Variants in DIP2C observed in about 807,000 individuals in gnomAD.
DIP2C encodes the protein disco-interacting protein 2 homolog C.
Under a neutral mutation model 192.4 loss-of-function variants are expected in DIP2C, and 33 were observed. The observed-to-expected ratio is 0.17, with a 90% CI of 0.13 to 0.23. The LOEUF (loss-of-function observed/expected upper bound fraction) is 0.23. Ranked by LOEUF, DIP2C falls within the 10% of genes least tolerant of loss-of-function variation. DIP2C has a pLI of 1.00. For synonymous variants in DIP2C, 979 were observed against 864.1 expected (o/e 1.13, Z -2.33); for missense variants, 1,537 against 2,110.1 (o/e 0.73, Z 5.32).
chr10:505,407 G>C lies in DIP2C; in HGVS notation c.86-18877C>G, dbSNP rs1845527726. On this transcript the variant is annotated intron_variant, in intron 1 of 36. Transcript: ENST00000280886. ...TTCTACTGCCACAATTTGTGTGTTA[G>C]TGATCAAGCCAAGGTTCTCAACCTT... Among the ~76,000 whole-genome samples, 3 of 152,218 alleles carry C rather than the reference G, an allele frequency of 2.0e-5. No individual in the cohort carries two copies. In the South Asian group the frequency reaches 6.2e-4, roughly 31 times the overall value.
intron 1 of DIP2C, among the ~76,000 whole-genome samples, chr10:530,022 T>C (rs924588795): frequency 1.3e-5 from 2 of 152,240 alleles, no homozygotes; most frequent in Non-Finnish European, 1.5e-5. Context: ...ACCGGCTGTG[T>C]GGTCTCTAAG....
intron 1 of DIP2C, among the ~76,000 whole-genome samples, chr10:603,819 G>C (rs1039405564): frequency 3.9e-5 from 6 of 152,160 alleles, no homozygotes; most frequent in African/African-American, 1.4e-4. Flanking sequence ...AAGTCAAGGG[G>C]TCAGTAGGCT....
At chr10:315,374 T>A (rs1303933836) in intron 31 of DIP2C, among the ~76,000 whole-genome samples, 1 of 152,234 alleles carries the variant, frequency 6.6e-6, no homozygotes, top group Non-Finnish European at 1.5e-5. Context: ...TTTATTTTCA[T>A]CCTTGAGACA....
chr10:617,652 A>ACCCC (rs1446941858), intron 1 of DIP2C, among the ~76,000 whole-genome samples: 1 of 127,652 alleles, frequency 7.8e-6, no homozygotes, highest in African/African-American at 3.4e-5. Context: ...TCCTGTGGAT[A>ACCCC]CCACCCCCCC....
At chr10:396,770 C>A (rs1964013964) in intron 10 of DIP2C, among the ~76,000 whole-genome samples, 1 of 149,388 alleles carries the variant, frequency 6.7e-6, no homozygotes, top group African/African-American at 2.5e-5. Context: ...GAGAAAGCAC[C>A]TCACGGGAAG....
intron 17 of DIP2C, among the ~76,000 whole-genome samples, chr10:380,871 T>C (rs571706876): frequency 6.6e-6 from 1 of 152,276 alleles, no homozygotes; most frequent in East Asian, 1.9e-4. Context: ...TAAGACAGAA[T>C]ACACTTGAGT....
Position 414,739 on chromosome 10 carries a change from G to GTGTGTGTATATATATATATATATA in DIP2C, c.860-630_860-629insTATATATATATATATATACACACA. ...TGTGTGTGTGTGTGTGTGTGTGTGT[G>GTGTGTGTATATATATATATATATA]TACATATATATATATATAATGTGTA... is the stretch of plus-strand genomic sequence containing the variant. On this transcript the variant is annotated intron_variant, in intron 7 of 36. Transcript: ENST00000280886. Among the ~76,000 whole-genome samples, 114 of 90,510 alleles carry GTGTGTGTATATATATATATATATA rather than the reference G, an allele frequency of 1.3e-3. 7 individuals carry two copies. Among genetic ancestry groups the GTGTGTGTATATATATATATATATA allele is most frequent in the Middle Eastern group, 6.3e-3 (1 of 158 alleles). The allele number at this position is 90,510 out of a possible 152,430, so 59.4% of individuals were successfully genotyped here. A position where few individuals can be genotyped will look rare whatever the true frequency, so the allele number is the denominator to read the frequency against.
In DIP2C at chr10:486,486, T is replaced by C; in HGVS notation, c.130A>G (p.Ile44Val). ...KGYEKKRSKL[I>V]GAYLPQPPRV... ...GGAGGCTGCGGAAGGTAGGCTCCAA[T>C]TAACTTTGACCTCTTCTTTTCATAT... Residue 44 changes from isoleucine to valine, a missense_variant, in exon 2 of 37, where the codon ATT becomes GTT. Physicochemically the swap from Ile to Val is conservative, Grantham distance 29 (BLOSUM62 3). Around this residue, in one of 4 missense-constraint regions of DIP2C, gnomAD observed 473 missense variants for 539.6 expected, o/e 0.88. Transcript: ENST00000280886. The C allele has an allele frequency of 1.2e-6, 2 of 1,605,570 alleles. No individual in the cohort carries two copies. Among genetic ancestry groups the C allele is most frequent in the Non-Finnish European group, 1.7e-6 (2 of 1,176,202 alleles).
At chr10:629,170 C>T (rs1410880804) in intron 1 of DIP2C, among the ~76,000 whole-genome samples, 3 of 152,160 alleles carry the variant, frequency 2.0e-5, no homozygotes, top group East Asian at 3.9e-4. Context: ...AAGGAACTGG[C>T]GGTGGAGACA....
chr10:415,870 C>T lies in DIP2C; in HGVS notation c.758G>A (p.Arg253Gln), dbSNP rs780492721. 3 of 1,613,732 alleles carry T rather than the reference C, an allele frequency of 1.9e-6. No individual in the cohort carries two copies. The highest frequency in any genetic ancestry group is 2.5e-6 in the Non-Finnish European group (3 of 1,179,946). Residue 253 changes from arginine (R) to glutamine (Q), a missense_variant, in exon 7 of 37, where the codon CGG (arginine) becomes CAG (glutamine). Arg to Gln is a conservative substitution (Grantham distance 43, BLOSUM62 1). This residue lies in a region of DIP2C where 473 missense variants were observed against 539.6 expected (regional missense o/e 0.88). Transcript: ENST00000280886. Reference sequence around the variant, plus strand: ...AAGCTGCTGGATTTTTGCTGACACCCGGCTACTTACTGGTACTCCTGAAAA... The same window carrying T: ...AAGCTGCTGGATTTTTGCTGACACCTGGCTACTTACTGGTACTCCTGAAAA... ...ETGDGVPVSS[R>Q]VSAKIQQLVN...
intron 1 of DIP2C, among the ~76,000 whole-genome samples, chr10:568,020 C>T (rs572463199): frequency 2.0e-5 from 3 of 152,326 alleles, no homozygotes; most frequent in Admixed American, 2.0e-4. Flanking sequence ...CTACAACACT[C>T]GAAGCATCAC....
intron 1 of DIP2C, among the ~76,000 whole-genome samples, chr10:614,383 GCA>G (rs1320183930): frequency 1.3e-5 from 2 of 152,366 alleles, no homozygotes; most frequent in Non-Finnish European, 2.9e-5. Flanking sequence ...CTCTTTGTCT[GCA>G]CACAGTACCC....
intron 1 of DIP2C, among the ~76,000 whole-genome samples, chr10:582,962 G>C (rs974811994): frequency 6.6e-6 from 1 of 152,174 alleles, no homozygotes; most frequent in Non-Finnish European, 1.5e-5. Context: ...GGAAAATGGG[G>C]AAGACTAATT....
Position 417,659 on chromosome 10 carries a change from T to TGCC in DIP2C, c.739+1405_739+1406insGGC, listed in dbSNP as rs1564684590. Among the ~76,000 whole-genome samples the TGCC allele has an allele frequency of 3.9e-3, 38 of 9,774 alleles. 5 individuals are homozygous for TGCC. Among genetic ancestry groups the TGCC allele is most frequent in the East Asian group, 0.01 (1 of 96 alleles). 6.4% of individuals were successfully genotyped at this position (9,774 alleles called of 152,430 possible). ...TCGGATAGGCCTCCCTGTCCACCTG[T>TGCC]TCCTGTCAGGGCTCGGATAGGCCTC... On this transcript the variant is annotated intron_variant, in intron 6 of 36. Transcript: ENST00000280886.
intron 3 of DIP2C, among the ~76,000 whole-genome samples, chr10:449,072 G>A (rs566886974): frequency 2.0e-5 from 3 of 147,426 alleles, no homozygotes; most frequent in South Asian, 2.2e-4. Flanking sequence ...GCTCACTCCC[G>A]TCGATACTCA....
intron 1 of DIP2C, among the ~76,000 whole-genome samples, chr10:521,913 G>A (rs1451202467): frequency 6.6e-6 from 1 of 151,210 alleles, no homozygotes; most frequent in Non-Finnish European, 1.5e-5. Context: ...CTGTACAAAT[G>A]ACAGACCCGC....
chr10:524,471 T>C (rs958534616), intron 1 of DIP2C, among the ~76,000 whole-genome samples: 2 of 152,176 alleles, frequency 1.3e-5, no homozygotes, highest in Non-Finnish European at 2.9e-5. Context: ...ACATGCTTAT[T>C]TTCCTCTACT....
intron 1 of DIP2C, among the ~76,000 whole-genome samples, chr10:574,861 C>T (rs1408280862): frequency 2.6e-5 from 4 of 152,186 alleles, no homozygotes; most frequent in African/African-American, 7.2e-5. Context: ...TTTGTATGTG[C>T]AAAGCCTGCT....
In DIP2C at chr10:419,172, G is replaced by T. The variant is rs1328876498; in HGVS notation, c.632C>A (p.Thr211Asn). The T allele has an allele frequency of 6.2e-7, 1 of 1,614,250 alleles. No individual in the cohort carries two copies. The highest frequency in any genetic ancestry group is 1.1e-5 in the South Asian group (1 of 91,084). ...TATCGAGTGCTCTGAGGTGTACGTG[G>T]TTACGTCAGGAGGTGCAGAATGATT... Reference protein sequence around the residue: ...IENHSAPPDVTTYTSEHSIQV... With the variant: ...IENHSAPPDVNTYTSEHSIQV... The change falls in exon 6 of 37, where the codon ACC becomes AAC. Residue 211 changes from threonine to asparagine, a missense_variant. Coordinates refer to ENST00000280886, the MANE Select transcript of DIP2C (RefSeq NM_014974.3).
Sources: allele counts gnomAD v4.1 joint callset (sites outside exome capture counted in the v4.1 genomes callset), GRCh38; gene constraint gnomAD v4.1.1; regional missense constraint gnomAD v4.1.1; transcripts MANE v1.5; gene names NCBI Gene and HGNC (gene_info 2026-07-23, HGNC 2026-07-21).